The following NIN variants were observed in gnomAD, a reference collection of about 807,000 sequenced individuals.
NIN encodes the protein glycogen synthase kinase 3 beta-interacting protein.
NIN carries 137 observed loss-of-function variants against 257.6 expected under a neutral mutation model. The ratio of observed to expected loss-of-function variants is 0.53; its 90% CI spans 0.46 to 0.61. The LOEUF (loss-of-function observed/expected upper bound fraction) is 0.61. Ranked by LOEUF, NIN falls within the 20% of genes least tolerant of loss-of-function variation. The pLI, the probability that NIN is intolerant of heterozygous loss-of-function variation, is 0.00. For synonymous variants in NIN, 918 were observed against 919.8 expected, an observed-to-expected ratio of 1.00 and a Z score of 0.04; for missense variants, 2,439 against 2,501.2, an observed-to-expected ratio of 0.98 and a Z score of 0.53.
chr14:50,765,443 A>G (rs1289209736), intron 14 of NIN, among the ~76,000 whole-genome samples: 1 of 152,220 alleles, frequency 6.6e-6, no homozygotes, highest in Non-Finnish European at 1.5e-5. Context: ...GAGGGCTGCA[A>G]GTAACTTCAT....
At chr14:50,808,831 T>A (rs1444938349) in intron 3 of NIN, among the ~76,000 whole-genome samples, 1 of 152,224 alleles carries the variant, frequency 6.6e-6, no homozygotes, top group East Asian at 1.9e-4. Context: ...GTATCAAGAA[T>A]GTCCTGGGAC....
intron 3 of NIN, among the ~76,000 whole-genome samples, chr14:50,816,058 G>A (rs1463033857): frequency 2.0e-5 from 3 of 152,118 alleles, no homozygotes; most frequent in Admixed American, 6.6e-5. Flanking sequence ...GACATAGATG[G>A]AGCTGGGAGC....
At position 50,756,543 on chromosome 14, in the gene NIN, T is replaced by C. The variant is rs746937311; in HGVS notation, c.4487A>G (p.His1496Arg). 1.2e-6 allele frequency: 2 copies of C among 1,613,138 alleles called. No individual in the cohort carries two copies. Among genetic ancestry groups the C allele is most frequent in the Non-Finnish European group, 1.7e-6 (2 of 1,179,728 alleles). ...CTCACTGCACGTGATCTGCAAGTCA[T>C]GCATCATTGCCTTCAGCTCTTCCTC... ...EKEEELKAMM[H>R]DLQITCSEMQ... Residue 1496 changes from histidine (H) to arginine (R), a missense_variant, in exon 18 of 31, where the codon CAT (histidine) becomes CGT (arginine). His to Arg is a conservative substitution (Grantham distance 29). This residue lies in a region of NIN where 2,043 missense variants were observed against 2,050.2 expected (regional missense o/e 1.00). Transcript: ENST00000530997.
intron 30 of NIN, 82 bp downstream of exon 30, chr14:50,725,871 G>A: frequency 6.2e-7 from 1 of 1,610,866 alleles, no homozygotes; most frequent in Non-Finnish European, 8.5e-7. Flanking sequence ...AAGTTAACGA[G>A]TTAATGGCAA....
rs576318788 is a variant in NIN, at chr14:50,820,260, G to T, written c.183+1614C>A. 2.0e-5 allele frequency among the ~76,000 whole-genome samples: 3 copies of T among 152,274 alleles called. No homozygotes were observed. In the South Asian group the frequency reaches 6.2e-4, roughly 32 times the overall value. On this transcript the variant is annotated intron_variant, in intron 3 of 30. Coordinates refer to ENST00000530997, the MANE Select transcript of NIN (RefSeq NM_020921.4). ...AGAAGCAGGCTGGTAGTGTCAAGTCGTTAACAAATCAATCAATAACTGCTC... is the reference window on the plus strand; with the variant it reads ...AGAAGCAGGCTGGTAGTGTCAAGTCTTTAACAAATCAATCAATAACTGCTC...
rs768031592 is a variant in NIN at position 50,757,884 on chromosome 14, G to T, written c.3146C>A (p.Ala1049Asp). ...CTCCCCTTGCTGAAGCAGGGACAGG[G>T]CTCCATCTCCTTCCACCTCCTCCTC... ...IGEEEVEGDG[A>D]LSLLQQGEQL... is the part of the protein sequence containing the mutation. Residue 1049 changes from alanine (A) to aspartate (D), a missense_variant, in exon 18 of 31, where the codon GCC becomes GAC. Physicochemically the swap from Ala to Asp is moderately radical, Grantham distance 126. Coordinates refer to ENST00000530997, the MANE Select transcript of NIN (RefSeq NM_020921.4). 1 of 1,614,104 alleles carries T rather than the reference G, an allele frequency of 6.2e-7. No homozygotes were observed. Among genetic ancestry groups the T allele is most frequent in the Admixed American group, 1.7e-5 (1 of 60,028 alleles).
At chr14:50,785,925 C>T (rs1447689273) in intron 5 of NIN, among the ~76,000 whole-genome samples, 1 of 152,194 alleles carries the variant, frequency 6.6e-6, no homozygotes, top group African/African-American at 2.4e-5. Context: ...CGGACAAGCT[C>T]CTAAGGCCAG....
chr14:50,822,604 C>G (rs17122937), intron 2 of NIN, among the ~76,000 whole-genome samples: 2,201 of 152,300 alleles, frequency 0.014, 59 homozygotes, highest in African/African-American at 0.05. Context: ...CAAGCTGATT[C>G]GTTCTACTTC....
At position 50,729,507 on chromosome 14, in the gene NIN, A is replaced by G; in HGVS notation, c.6078+16T>C. On this transcript the variant is annotated intron_variant, in intron 29 of 30. Coordinates refer to ENST00000530997, the MANE Select transcript of NIN (RefSeq NM_020921.4). ...AAATTAACAGGTGATCTACTAGAGT[A>G]GAGAGAGCTTCATACCTGTGGTGTG... 6.2e-6 allele frequency: 10 copies of G among 1,608,302 alleles called. No individual in the cohort carries two copies. Among genetic ancestry groups the G allele is most frequent in the Non-Finnish European group, 8.5e-6 (10 of 1,176,352 alleles).
Position 50,722,493 on chromosome 14 carries a change from G to A in NIN, c.*970C>T, listed in dbSNP as rs1285911255. 4.8e-6 allele frequency: 1 copy of A among 210,136 alleles called. No homozygotes were observed. Among genetic ancestry groups the A allele is most frequent in the African/African-American group, 2.3e-5 (1 of 44,028 alleles). The allele number at this position is 210,136 out of a possible 1,614,324, so 13.0% of individuals were successfully genotyped here. A position where few individuals can be genotyped will look rare whatever the true frequency, so the allele number is the denominator to read the frequency against. On this transcript the variant is annotated 3_prime_UTR_variant, in exon 31 of 31. Transcript: ENST00000530997. The stretch of plus-strand genomic sequence containing the variant: ...ATAAGACAAATAAATGAGGTCACAT[G>A]GTTTATACATTTCAAATTCTTAGAG...
intron 4 of NIN, among the ~76,000 whole-genome samples, chr14:50,799,952 G>A (rs1023931454): frequency 6.6e-6 from 1 of 151,560 alleles, no homozygotes; most frequent in Non-Finnish European, 1.5e-5. Flanking sequence ...TCCAGCTTGG[G>A]CAACAAGAGC....
At chr14:50,771,017 A>C (rs2042708773) in intron 10 of NIN, 25 bp from the exon 11 acceptor site, 2 of 1,606,720 alleles carry the variant, frequency 1.2e-6, no homozygotes, top group South Asian at 2.2e-5. Context: ...ACACTGAGTT[A>C]ATGGGAAACT....
Position 50,744,919 on chromosome 14 carries a change from T to C in NIN, c.5065-554A>G, listed in dbSNP as rs541997114. On this transcript the variant is annotated intron_variant, in intron 22 of 30. Coordinates refer to ENST00000530997, the MANE Select transcript of NIN (RefSeq NM_020921.4). ...ACTCCAGGCTGGGCGACAGAGACTC[T>C]GTCTCCAAAACAAAACAAAAAAACC... is the stretch of plus-strand genomic sequence containing the variant. 8.1e-4 allele frequency among the ~76,000 whole-genome samples: 123 copies of C among 152,184 alleles called. 1 individual carries two copies. The highest frequency in any genetic ancestry group is 2.8e-3 in the African/African-American group (116 of 41,458).
intron 5 of NIN, among the ~76,000 whole-genome samples, chr14:50,780,536 CA>C (rs1244774965): frequency 6.6e-6 from 1 of 152,200 alleles, no homozygotes; most frequent in Non-Finnish European, 1.5e-5. Flanking sequence ...GTTCTTCTTT[CA>C]GGCAACCTAC....
chr14:50,757,134 T>G lies in NIN; in HGVS notation c.3896A>C (p.Glu1299Ala). The change falls in exon 18 of 31, where the codon GAA becomes GCA. Residue 1299 changes from glutamate (E) to alanine (A), a missense_variant. Glu to Ala is a moderately radical substitution (Grantham distance 107, BLOSUM62 -1). Transcript: ENST00000530997. Reference protein sequence around the residue: ...RLQDELKKMEEVTETFLSLEK... With the variant: ...RLQDELKKMEAVTETFLSLEK... ...CAGGCTGAGGAATGTTTCAGTGACT[T>G]CCTCCATTTTCTTCAGCTCATCCTG... 2 of 1,612,254 alleles carry G rather than the reference T, an allele frequency of 1.2e-6. No individual in the cohort carries two copies. Among genetic ancestry groups the G allele is most frequent in the Non-Finnish European group, 1.7e-6 (2 of 1,179,474 alleles).
rs201707941 is a variant in NIN, at chr14:50,759,916, C to G, written c.2340G>C (p.Glu780Asp). 226 of 1,614,032 alleles carry G rather than the reference C, an allele frequency of 1.4e-4. No individual in the cohort carries two copies. Among genetic ancestry groups the G allele is most frequent in the Non-Finnish European group, 1.8e-4 (214 of 1,180,014 alleles). Residue 780 changes from glutamate (E) to aspartate (D), a missense_variant, in exon 17 of 31, where the codon GAG becomes GAC. Physicochemically the swap from Glu to Asp is conservative, Grantham distance 45. Coordinates refer to ENST00000530997, the MANE Select transcript of NIN (RefSeq NM_020921.4). Reference protein sequence around the residue: ...LTSLVEKHTLEKEELRKELLE... With the variant: ...LTSLVEKHTLDKEELRKELLE... ...AGAGCTCTTTTCTTAACTCCTCTTT[C>G]TCAAGAGTGTGTTTCTCCACCAGGC...
In NIN at chr14:50,733,877, A is replaced by C. The variant is rs2040841173; in HGVS notation, c.5877+1639T>G. Among the ~76,000 whole-genome samples the C allele has an allele frequency of 2.6e-5, 4 of 152,194 alleles. No individual in the cohort carries two copies. In the South Asian group the frequency reaches 8.3e-4, roughly 31 times the overall value. The stretch of plus-strand genomic sequence containing the variant: ...GAAAAAATGGTTTAGACTTCACTAA[A>C]ACTTTCATGAATTTCCCCTTTAGTT... On this transcript the variant is annotated intron_variant, in intron 28 of 30. Coordinates refer to ENST00000530997, the MANE Select transcript of NIN (RefSeq NM_020921.4).
chr14:50,794,835 C>A (rs2043766567), intron 4 of NIN, among the ~76,000 whole-genome samples: 1 of 151,620 alleles, frequency 6.6e-6, no homozygotes, highest in Non-Finnish European at 1.5e-5. Flanking sequence ...AATCCCAAAC[C>A]TACCGGTGGA....
chr14:50,739,305 T>C lies in NIN; in HGVS notation c.5628+3A>G. 6.2e-7 allele frequency: 1 copy of C among 1,613,270 alleles called. No individual in the cohort carries two copies. Among genetic ancestry groups the C allele is most frequent in the Non-Finnish European group, 8.5e-7 (1 of 1,179,618 alleles). Reference sequence around the variant, plus strand: ...TGCCATGATGTGCAGCTTCTCCAATTACCTTCTCCCGGGAGTGCGTGAGTT... The same window carrying C: ...TGCCATGATGTGCAGCTTCTCCAATCACCTTCTCCCGGGAGTGCGTGAGTT... On this transcript the variant is annotated splice_donor_region_variant and intron_variant, in intron 26 of 30. Coordinates refer to ENST00000530997, the MANE Select transcript of NIN (RefSeq NM_020921.4).
Sources: gnomAD v4.1 joint callset for allele counts (sites outside exome capture counted in the v4.1 genomes callset) on GRCh38, gnomAD v4.1.1 for gene constraint, gnomAD v4.1.1 regional missense constraint, MANE v1.5 for transcripts, NCBI Gene and HGNC (gene_info 2026-07-23, HGNC 2026-07-21) for gene names.